RBFOX1: variants seen among roughly 807,000 people sequenced by gnomAD.
RBFOX1 encodes the protein RNA binding protein fox-1 homolog 1.
RBFOX1 carries 8 observed loss-of-function variants against 57.7 expected under a neutral mutation model. That is an observed-to-expected ratio of 0.14 (90% CI 0.08 to 0.25). The LOEUF is 0.25. Ranked by LOEUF, RBFOX1 falls within the 10% of genes least tolerant of loss-of-function variation. The pLI, the probability that RBFOX1 is intolerant of heterozygous loss-of-function variation, is 1.00. For missense variants in RBFOX1, 611 were observed against 548.5 expected (o/e 1.11, Z -1.14); for synonymous variants, 326 against 222.4 (o/e 1.47, Z -4.15).
Position 7,617,341 on chromosome 16 carries a change from T to A in RBFOX1, c.676+10003T>A, listed in dbSNP as rs114861451. ...AAACTAAGGACGTGGAAATTTAGATTTTATACAATTTTCATGTGTCACAAA... is the reference window on the plus strand; with the variant it reads ...AAACTAAGGACGTGGAAATTTAGATATTATACAATTTTCATGTGTCACAAA... On this transcript the variant is annotated intron_variant, in intron 10 of 15. Coordinates refer to ENST00000550418, the MANE Select transcript of RBFOX1 (RefSeq NM_018723.4). Among the ~76,000 whole-genome samples the A allele has an allele frequency of 4.4e-3, 677 of 152,296 alleles. 6 individuals carry two copies. The highest frequency in any genetic ancestry group is 0.015 in the African/African-American group (640 of 41,558).
At chr16:6,277,580 TG>T (rs2075956744) in intron 1 of RBFOX1, among the ~76,000 whole-genome samples, 1 of 146,800 alleles carries the variant, frequency 6.8e-6, no homozygotes, top group Admixed American at 7.0e-5. Flanking sequence ...GAGATCAGCC[TG>T]GGCAATAGAG....
chr16:5,295,671 C>T (rs1426755771), intron 1 of RBFOX1, among the ~76,000 whole-genome samples: 1 of 152,196 alleles, frequency 6.6e-6, no homozygotes, highest in Non-Finnish European at 1.5e-5. Flanking sequence ...TCTTCAAAGC[C>T]AGCAAGACAG....
rs117321231 is a variant in RBFOX1 at position 6,380,991 on chromosome 16, C to T, written c.-64+63934C>T. Among the ~76,000 whole-genome samples, 24 of 152,140 alleles carry T rather than the reference C, an allele frequency of 1.6e-4. No homozygotes were observed. In the East Asian group the frequency reaches 4.5e-3, roughly 28 times the overall value. ...GCATCTTCTTTTTAAAATAATCTTG[C>T]TGGGGGACTTGTGGTATGCAATGAT... On this transcript the variant is annotated intron_variant, in intron 2 of 15. Coordinates refer to ENST00000550418, the MANE Select transcript of RBFOX1 (RefSeq NM_018723.4).
In RBFOX1 at chr16:5,947,984, C is replaced by T. The variant is rs922338005; in HGVS notation, c.351+80649C>T. ...TGATTGAATTCCCTTTTGACCGTGG[C>T]GCTGAGGACATATGTTCATACATTT... On this transcript the variant is annotated intron_variant, in intron 4 of 19. Coordinates refer to the RBFOX1 transcript ENST00000641259. This position sits in a 1 kb window ranked among gnomAD's most constrained non-coding sequence, Gnocchi z 7.2. Among the ~76,000 whole-genome samples, 10 of 152,144 alleles carry T rather than the reference C, an allele frequency of 6.6e-5. No homozygotes were observed. Among genetic ancestry groups the T allele is most frequent in the African/African-American group, 1.4e-4 (6 of 41,422 alleles).
At chr16:7,052,810 T>A (rs1488222673) in intron 4 of RBFOX1, among the ~76,000 whole-genome samples, 1 of 152,180 alleles carries the variant, frequency 6.6e-6, no homozygotes, top group Non-Finnish European at 1.5e-5. Context: ...TTCTTCCCAT[T>A]TGTTTTCTTC....
chr16:7,225,905 A>AATCAATAAATATATAT (rs1555600462), intron 4 of RBFOX1, among the ~76,000 whole-genome samples: 4 of 93,750 alleles, frequency 4.3e-5, no homozygotes, highest in African/African-American at 1.9e-4. Flanking sequence ...AAGTATAATA[A>AATCAATAAATATATAT]ATATATATAT....
chr16:5,398,638 C>T (rs771266314), intron 1 of RBFOX1, among the ~76,000 whole-genome samples: 4 of 151,798 alleles, frequency 2.6e-5, no homozygotes, highest in Non-Finnish European at 5.9e-5. Flanking sequence ...GTACTAGGCA[C>T]GCTTGGAGTT....
At chr16:7,496,243 A>G (rs1221891425) in intron 4 of RBFOX1, among the ~76,000 whole-genome samples, 1 of 152,180 alleles carries the variant, frequency 6.6e-6, no homozygotes, top group Non-Finnish European at 1.5e-5. Flanking sequence ...TCCCAGTTCA[A>G]GTGATTCTCT....
chr16:7,106,190 C>A (rs1049921438), intron 4 of RBFOX1, among the ~76,000 whole-genome samples: 3 of 152,094 alleles, frequency 2.0e-5, no homozygotes, highest in East Asian at 3.9e-4. Flanking sequence ...TTCCTGTGGG[C>A]TCTTTTTTGT....
intron 4 of RBFOX1, among the ~76,000 whole-genome samples, chr16:7,401,711 CAG>C (rs943267728): frequency 1.3e-5 from 2 of 152,068 alleles, no homozygotes; most frequent in African/African-American, 4.8e-5. Flanking sequence ...TTGAGGATGA[CAG>C]TGAGGTAATG....
At chr16:6,921,584 G>A (rs1227209239) in intron 3 of RBFOX1, among the ~76,000 whole-genome samples, 1 of 151,240 alleles carries the variant, frequency 6.6e-6, no homozygotes, top group African/African-American at 2.4e-5. Flanking sequence ...GCTTCTTCAA[G>A]CAGTGGAGAA....
chr16:5,407,112 G>A (rs2066888511), intron 1 of RBFOX1, among the ~76,000 whole-genome samples: 1 of 152,170 alleles, frequency 6.6e-6, no homozygotes, highest in Admixed American at 6.5e-5. Context: ...AGGGGAAGCA[G>A]GCACATCTTT....
At chr16:5,403,756 T>C (rs1472114583) in intron 1 of RBFOX1, among the ~76,000 whole-genome samples, 8 of 152,210 alleles carry the variant, frequency 5.3e-5, no homozygotes, top group Non-Finnish European at 1.2e-4. Context: ...AATGCTCTGA[T>C]GTCTTCTATG....
intron 3 of RBFOX1, among the ~76,000 whole-genome samples, chr16:5,856,697 T>A (rs189258726): frequency 2.0e-5 from 3 of 150,286 alleles, no homozygotes; most frequent in Admixed American, 1.3e-4. Context: ...TTTCTTTTCT[T>A]AAACCTCATG....
intron 3 of RBFOX1, among the ~76,000 whole-genome samples, chr16:6,890,161 G>A (rs1005195087): frequency 1.3e-5 from 2 of 152,188 alleles, no homozygotes; most frequent in Non-Finnish European, 2.9e-5. Context: ...TAAAGGTATG[G>A]TATATGATTG....
intron 4 of RBFOX1, among the ~76,000 whole-genome samples, chr16:7,198,699 C>T (rs1178677162): frequency 6.6e-6 from 1 of 152,162 alleles, no homozygotes; most frequent in Non-Finnish European, 1.5e-5. Flanking sequence ...AATCCACTCA[C>T]ATGATAACTA....
At chr16:6,973,307 C>G (rs1312301254) in intron 3 of RBFOX1, among the ~76,000 whole-genome samples, 1 of 152,018 alleles carries the variant, frequency 6.6e-6, no homozygotes, top group Non-Finnish European at 1.5e-5. Flanking sequence ...GCCATGCAGA[C>G]AAAATAAAGC....
rs564363493 is a variant in RBFOX1 at position 7,691,127 on chromosome 16, A to G, written c.995+14289A>G. On this transcript the variant is annotated intron_variant, in intron 14 of 15. Coordinates refer to ENST00000550418, the MANE Select transcript of RBFOX1 (RefSeq NM_018723.4). ...TTGTTTATGTGGATTAAAAAATAAA[A>G]TAGTACAGAATGGATACGTCAAAAA... Among the ~76,000 whole-genome samples, 4 of 152,234 alleles carry G rather than the reference A, an allele frequency of 2.6e-5. No individual in the cohort carries two copies. In the East Asian group the frequency reaches 7.7e-4, roughly 29 times the overall value.
chr16:5,558,072 A>G (rs1326557827), intron 2 of RBFOX1, among the ~76,000 whole-genome samples: 1 of 152,092 alleles, frequency 6.6e-6, no homozygotes, highest in African/African-American at 2.4e-5. Flanking sequence ...CCAGCTCCCC[A>G]TCCATCTTTC....
Sources: allele counts gnomAD v4.1 joint callset (sites outside exome capture counted in the v4.1 genomes callset), GRCh38; gene constraint gnomAD v4.1.1; non-coding constraint Gnocchi (gnomAD v3.1); transcripts MANE v1.5; gene names NCBI Gene and HGNC (gene_info 2026-07-23, HGNC 2026-07-21).